Variants in CNTNAP2 observed in about 807,000 individuals in gnomAD.
The protein encoded by CNTNAP2 is contactin-associated protein-like 2.
Under a neutral mutation model 155.2 loss-of-function variants are expected in CNTNAP2, and 98 were observed. The ratio of observed to expected loss-of-function variants is 0.63; its 90% confidence interval spans 0.54 to 0.75. The LOEUF is 0.75. CNTNAP2 is among the 30% of genes least tolerant of loss of function. The pLI, the probability that CNTNAP2 is intolerant of heterozygous loss-of-function variation, is 0.00. For synonymous variants in CNTNAP2, 651 were observed against 631.2 expected, an observed-to-expected ratio of 1.03 and a Z score of -0.47; for missense variants, 1,727 against 1,688.1, an observed-to-expected ratio of 1.02 and a Z score of -0.40.
At chr7:147,381,795 T>C (rs944531452) in intron 9 of CNTNAP2, among the ~76,000 whole-genome samples, 10 of 152,234 alleles carry the variant, frequency 6.6e-5, no homozygotes, top group African/African-American at 2.4e-4. Context: ...TATCTTTTAA[T>C]GTTAAACCAA....
At chr7:146,752,534 G>A (rs551631674) in intron 1 of CNTNAP2, among the ~76,000 whole-genome samples, 5 of 152,034 alleles carry the variant, frequency 3.3e-5, no homozygotes, top group African/African-American at 1.2e-4. Flanking sequence ...TGTCAGATGG[G>A]TAGATTGCAA....
intron 1 of CNTNAP2, among the ~76,000 whole-genome samples, chr7:146,225,099 G>A (rs2116903646): frequency 1.3e-5 from 2 of 152,260 alleles, no homozygotes; most frequent in African/African-American, 4.8e-5. Flanking sequence ...GGGGCACTTT[G>A]AATACAGAGA....
At chr7:148,310,581 C>T (rs575521117) in intron 21 of CNTNAP2, among the ~76,000 whole-genome samples, 3 of 152,018 alleles carry the variant, frequency 2.0e-5, no homozygotes, top group East Asian at 1.9e-4. Flanking sequence ...TTTGTCGTGT[C>T]GGTGTCATGA....
At chr7:146,263,150 C>G (rs777819077) in intron 1 of CNTNAP2, among the ~76,000 whole-genome samples, 20 of 152,034 alleles carry the variant, frequency 1.3e-4, no homozygotes, top group Admixed American at 5.2e-4. Flanking sequence ...AACCCTGTCT[C>G]TACCAAAGAT....
At chr7:146,601,944 A>C (rs1798956962) in intron 1 of CNTNAP2, among the ~76,000 whole-genome samples, 1 of 152,146 alleles carries the variant, frequency 6.6e-6, no homozygotes, top group Non-Finnish European at 1.5e-5. Context: ...AATTTTAAAG[A>C]AAGTAAAAAA....
At chr7:147,804,752 C>T (rs1397858805) in intron 13 of CNTNAP2, among the ~76,000 whole-genome samples, 1 of 152,060 alleles carries the variant, frequency 6.6e-6, no homozygotes, top group Non-Finnish European at 1.5e-5. Flanking sequence ...TGGCGTTTCA[C>T]CATGTTGGCC....
intron 9 of CNTNAP2, among the ~76,000 whole-genome samples, chr7:147,342,925 A>G (rs1795788934): frequency 6.6e-6 from 1 of 152,140 alleles, no homozygotes; most frequent in South Asian, 2.1e-4. Flanking sequence ...TATAATACAT[A>G]TATGTAAAAG....
intron 2 of CNTNAP2, among the ~76,000 whole-genome samples, chr7:146,822,215 G>A (rs563876080): frequency 2.7e-4 from 41 of 151,918 alleles, no homozygotes; most frequent in South Asian, 1.0e-3. Context: ...GCAAACTATC[G>A]CAAGGACAAA....
chr7:148,328,748 T>A (rs1244728767), intron 21 of CNTNAP2, among the ~76,000 whole-genome samples: 1 of 147,292 alleles, frequency 6.8e-6, no homozygotes, highest in Non-Finnish European at 1.5e-5. Context: ...GGCGGGTGGA[T>A]CACAAGTTCA....
At chr7:146,610,248 G>A (rs961283805) in intron 1 of CNTNAP2, among the ~76,000 whole-genome samples, 7 of 152,040 alleles carry the variant, frequency 4.6e-5, no homozygotes, top group Non-Finnish European at 7.4e-5. Flanking sequence ...TCGTGTAGTC[G>A]TCTCCTAGGA....
intron 9 of CNTNAP2, among the ~76,000 whole-genome samples, chr7:147,323,470 T>C (rs1293066953): frequency 6.7e-6 from 1 of 149,798 alleles, no homozygotes; most frequent in Non-Finnish European, 1.5e-5. Context: ...TTCTTTTACA[T>C]TTGCTGAGGA....
intron 1 of CNTNAP2, among the ~76,000 whole-genome samples, chr7:146,431,514 G>A (rs770975344): frequency 2.6e-5 from 4 of 151,968 alleles, no homozygotes; most frequent in Non-Finnish European, 5.9e-5. Context: ...CTATGTTTAT[G>A]ACTGCAATAT....
intron 14 of CNTNAP2, among the ~76,000 whole-genome samples, chr7:147,905,150 G>C (rs1273883906): frequency 6.6e-6 from 1 of 152,190 alleles, no homozygotes; most frequent in Non-Finnish European, 1.5e-5. Flanking sequence ...TCACATTCTT[G>C]TTCTTGATGC....
intron 1 of CNTNAP2, chr7:146,311,689 GAAAA>G (rs1312700221): frequency 2.1e-5 from 3 of 140,522 alleles, no homozygotes; most frequent in African/African-American, 8.7e-5. Context: ...AAGAAAAGAA[GAAAA>G]GAAAGAAATA....
chr7:146,737,679 A>C (rs1023839008), intron 1 of CNTNAP2, among the ~76,000 whole-genome samples: 1 of 152,018 alleles, frequency 6.6e-6, no homozygotes, highest in Non-Finnish European at 1.5e-5. Context: ...CATTTTTTTC[A>C]TATACCTGTT....
At chr7:146,339,775 A>T (rs964255715) in intron 1 of CNTNAP2, among the ~76,000 whole-genome samples, 1 of 152,148 alleles carries the variant, frequency 6.6e-6, no homozygotes, top group Non-Finnish European at 1.5e-5. Context: ...AGAACCAGTA[A>T]CAGGGGATTT....
intron 1 of CNTNAP2, among the ~76,000 whole-genome samples, chr7:146,522,932 TC>T (rs1261843214): frequency 6.6e-6 from 1 of 151,834 alleles, no homozygotes; most frequent in African/African-American, 2.4e-5. Context: ...TTCATAGGCA[TC>T]TCAAGGAAGA....
At chr7:147,511,609 C>T (rs115596994) in intron 11 of CNTNAP2, among the ~76,000 whole-genome samples, 1 of 151,766 alleles carries the variant, frequency 6.6e-6, no homozygotes, top group Non-Finnish European at 1.5e-5. Flanking sequence ...TTAATATTTT[C>T]TTTTACATTT....
intron 1 of CNTNAP2, among the ~76,000 whole-genome samples, chr7:146,227,446 A>G (rs917137628): frequency 8.6e-5 from 13 of 151,286 alleles, no homozygotes; most frequent in South Asian, 8.3e-4. Flanking sequence ...AAAAAAAAAA[A>G]AAAGAAAAAG....
Sources: gnomAD v4.1 joint callset for allele counts (sites outside exome capture counted in the v4.1 genomes callset) on GRCh38, gnomAD v4.1.1 for gene constraint, MANE v1.5 for transcripts, NCBI Gene and HGNC (gene_info 2026-07-23, HGNC 2026-07-21) for gene names.